The following GAREM1 variants were observed in gnomAD, a reference collection of about 807,000 sequenced individuals.
GAREM1 encodes the protein GRB2-associated and regulator of MAPK protein 1.
GAREM1 carries 26 observed loss-of-function variants against 71.3 expected under a neutral mutation model. The ratio of observed to expected loss-of-function variants is 0.36; its 90% CI spans 0.27 to 0.51. The LOEUF is 0.51. Ranked by LOEUF, GAREM1 falls within the 20% of genes least tolerant of loss-of-function variation. The pLI is 0.95. For missense variants in GAREM1, 1,026 were observed against 1,103.1 expected (o/e 0.93, Z 0.99); for synonymous variants, 440 against 433.2 (o/e 1.02, Z -0.20).
At chr18:32,353,103 T>C (rs1329878487) in intron 2 of GAREM1, among the ~76,000 whole-genome samples, 4 of 152,238 alleles carry the variant, frequency 2.6e-5, no homozygotes, top group Non-Finnish European at 5.9e-5. Context: ...TGTGATTTTC[T>C]ATTTAGAATG....
At chr18:32,398,082 T>TG (rs1459949779) in intron 1 of GAREM1, among the ~76,000 whole-genome samples, 8 of 152,172 alleles carry the variant, frequency 5.3e-5, no homozygotes, top group African/African-American at 1.9e-4. Flanking sequence ...CATAACAAAA[T>TG]GAAGGCAGAA....
In GAREM1 at chr18:32,422,440, G is replaced by A. The variant is rs1451357996; in HGVS notation, c.122-29405C>T. On this transcript the variant is annotated intron_variant, in intron 1 of 5. Transcript: ENST00000269209. The stretch of plus-strand genomic sequence containing the variant: ...TTTCTTTTAACTGCAGTGACATTTC[G>A]TATTTGTAGGTCTGCCTTCCACACT... 3.3e-5 allele frequency among the ~76,000 whole-genome samples: 5 copies of A among 152,128 alleles called. No individual in the cohort carries two copies. In the East Asian group the frequency reaches 5.8e-4, roughly 18 times the overall value.
At chr18:32,271,031 C>T (rs553212735) in intron 4 of GAREM1, among the ~76,000 whole-genome samples, 76 of 149,880 alleles carry the variant, frequency 5.1e-4, no homozygotes, top group African/African-American at 1.7e-3. Flanking sequence ...CTCAGCTTCC[C>T]GAGAGGTGGG....
Position 32,470,354 on chromosome 18 carries a change from G to A in GAREM1, c.75C>T (p.Leu25=). ...GGGGCAGCCGGTAAGTGCTGACCAGGAGGTCGAGCGGCACGGCCACCGAGC... is the reference window on the plus strand; with the variant it reads ...GGGGCAGCCGGTAAGTGCTGACCAGAAGGTCGAGCGGCACGGCCACCGAGC... ...KWSSVAVPLD[L]LVSTYRLPQI... is the part of the protein sequence containing the mutation. Residue 25 remains leucine (L), a synonymous_variant, in exon 1 of 6, where the codon CTC becomes CTT. Transcript: ENST00000269209. This position sits in a 1 kb window ranked among gnomAD's most constrained non-coding sequence, Gnocchi z 4.4. The A allele has an allele frequency of 6.4e-7, 1 of 1,557,890 alleles. No homozygotes were observed. The highest frequency in any genetic ancestry group is 8.7e-7 in the Non-Finnish European group (1 of 1,153,164).
At chr18:32,362,165 T>A (rs186361168) in intron 2 of GAREM1, among the ~76,000 whole-genome samples, 1 of 152,272 alleles carries the variant, frequency 6.6e-6, no homozygotes, top group Non-Finnish European at 1.5e-5. Flanking sequence ...ATGTTCTAGC[T>A]CCAAGGATTC....
intron 1 of GAREM1, among the ~76,000 whole-genome samples, chr18:32,415,616 C>A (rs762294721): frequency 5.9e-5 from 9 of 152,030 alleles, no homozygotes; most frequent in Non-Finnish European, 1.2e-4. Flanking sequence ...GAATGAAGGA[C>A]AAAAACCATA....
intron 2 of GAREM1, among the ~76,000 whole-genome samples, chr18:32,324,129 AACT>A (rs1346854145): frequency 1.3e-5 from 2 of 152,208 alleles, no homozygotes; most frequent in African/African-American, 4.8e-5. Context: ...GCCACCGTAC[AACT>A]ACAGGCAAAA....
intron 1 of GAREM1, among the ~76,000 whole-genome samples, chr18:32,396,164 T>C (rs905898704): frequency 5.9e-5 from 9 of 152,160 alleles, no homozygotes; most frequent in Admixed American, 5.2e-4. Flanking sequence ...GCCATCTGTA[T>C]GTCACCACCA....
chr18:32,346,988 T>G (rs1598978728), intron 2 of GAREM1, among the ~76,000 whole-genome samples: 6 of 152,314 alleles, frequency 3.9e-5, no homozygotes, highest in African/African-American at 1.4e-4. Flanking sequence ...TTGTTCACAC[T>G]ACATTTCTGT....
intron 3 of GAREM1, among the ~76,000 whole-genome samples, chr18:32,305,990 G>C (rs1369603167): frequency 2.0e-5 from 3 of 152,222 alleles, no homozygotes; most frequent in Admixed American, 6.5e-5. Context: ...ATGGCTGGAA[G>C]AAAGGGTAGT....
At chr18:32,295,743 G>T (rs1487689684) in intron 3 of GAREM1, among the ~76,000 whole-genome samples, 2 of 152,186 alleles carry the variant, frequency 1.3e-5, no homozygotes, top group East Asian at 1.9e-4. Context: ...AGGAGACATT[G>T]TAAGTACAGA....
At chr18:32,415,317 A>G (rs1309846097) in intron 1 of GAREM1, among the ~76,000 whole-genome samples, 1 of 152,096 alleles carries the variant, frequency 6.6e-6, no homozygotes, top group African/African-American at 2.4e-5. Flanking sequence ...CTGTTCTGAA[A>G]AAAAATAGAG....
At chr18:32,391,452 C>G (rs936918276) in intron 2 of GAREM1, among the ~76,000 whole-genome samples, 1 of 152,168 alleles carries the variant, frequency 6.6e-6, no homozygotes, top group Non-Finnish European at 1.5e-5. Flanking sequence ...GAGCTTTTCA[C>G]AGCGCTTTTG....
At chr18:32,324,613 T>C (rs111503251) in intron 2 of GAREM1, among the ~76,000 whole-genome samples, 2,245 of 152,308 alleles carry the variant, frequency 0.015, 63 homozygotes, top group African/African-American at 0.051. Context: ...AGGAGGACAG[T>C]CCAAATTCTA....
At chr18:32,423,449 G>A (rs1307511273) in intron 1 of GAREM1, among the ~76,000 whole-genome samples, 1 of 152,156 alleles carries the variant, frequency 6.6e-6, no homozygotes, top group Non-Finnish European at 1.5e-5. Context: ...TCTTTCTCTT[G>A]TTTTGATGTT....
chr18:32,361,688 C>T lies in GAREM1; in HGVS notation c.262+31207G>A, dbSNP rs369185037. Among the ~76,000 whole-genome samples the T allele has an allele frequency of 4.9e-4, 74 of 152,278 alleles. 1 individual carries two copies. The South Asian group carries it at 0.015, about 30-fold the overall frequency. ...TCAGTATTTTATAATTTCCCAATATCCTGTTTAAGCCAATTATTTTAGAAA... is the reference window on the plus strand; with the variant it reads ...TCAGTATTTTATAATTTCCCAATATTCTGTTTAAGCCAATTATTTTAGAAA... On this transcript the variant is annotated intron_variant, in intron 2 of 5. Transcript: ENST00000269209.
chr18:32,266,335 C>T lies in GAREM1; in HGVS notation c.*1536G>A, dbSNP rs1176778269. On this transcript the variant is annotated 3_prime_UTR_variant, in exon 6 of 6. Transcript: ENST00000269209. ...CAGGAAGAGATGGTAAGATATAAGTCCATCCTGCAAGTTATGCTGCCGCCT... is the reference window on the plus strand; with the variant it reads ...CAGGAAGAGATGGTAAGATATAAGTTCATCCTGCAAGTTATGCTGCCGCCT... The T allele has an allele frequency of 1.3e-5, 2 of 151,962 alleles. No homozygotes were observed. Among genetic ancestry groups the T allele is most frequent in the Admixed American group, 1.3e-4 (2 of 15,264 alleles). 9.4% of individuals were successfully genotyped at this position (151,962 alleles called of 1,614,324 possible). A position where few individuals can be genotyped will look rare whatever the true frequency, so the allele number is the denominator to read the frequency against.
At chr18:32,281,918 A>G (rs1341671794) in intron 4 of GAREM1, among the ~76,000 whole-genome samples, 2 of 152,184 alleles carry the variant, frequency 1.3e-5, no homozygotes, top group Admixed American at 6.5e-5. Context: ...CCACCACAAA[A>G]GAAGTGTAAA....
At chr18:32,460,881 C>T (rs2144311310) in intron 1 of GAREM1, among the ~76,000 whole-genome samples, 1 of 152,180 alleles carries the variant, frequency 6.6e-6, no homozygotes, top group Admixed American at 6.5e-5. Flanking sequence ...GACATGGAAA[C>T]ACATAATATG....
Sources: allele counts gnomAD v4.1 joint callset (sites outside exome capture counted in the v4.1 genomes callset), GRCh38; gene constraint gnomAD v4.1.1; non-coding constraint Gnocchi (gnomAD v3.1); transcripts MANE v1.5; gene names NCBI Gene and HGNC (gene_info 2026-07-23, HGNC 2026-07-21).